The following ANKS1B variants were observed in gnomAD, a reference collection of about 807,000 sequenced individuals.
ANKS1B encodes the protein ankyrin repeat and sterile alpha motif domain containing 1B, also known as ankyrin repeat and sterile alpha motif domain-containing protein 1B.
ANKS1B carries 36 observed loss-of-function variants against 148.3 expected under a neutral mutation model. The observed-to-expected ratio is 0.24, with a 90% CI of 0.19 to 0.32. The LOEUF (loss-of-function observed/expected upper bound fraction) is 0.32. ANKS1B is among the 10% of genes least tolerant of loss of function. The pLI is 1.00. For missense variants in ANKS1B, 1,157 were observed against 1,542.6 expected, an observed-to-expected ratio of 0.75 and a Z score of 4.19; for synonymous variants, 542 against 560.8, an observed-to-expected ratio of 0.97 and a Z score of 0.47.
At chr12:99,166,724 T>C (rs2077220582) in intron 14 of ANKS1B, among the ~76,000 whole-genome samples, 1 of 151,982 alleles carries the variant, frequency 6.6e-6, no homozygotes, top group African/African-American at 2.4e-5. Context: ...CTAATCAAAA[T>C]CCCAGCAGGT....
intron 1 of ANKS1B, among the ~76,000 whole-genome samples, chr12:99,968,039 G>T (rs755446720): frequency 1.3e-5 from 2 of 152,096 alleles, no homozygotes; most frequent in Non-Finnish European, 2.9e-5. Flanking sequence ...GTTTGGGGTA[G>T]AAGAAGCCAA....
chr12:99,601,889 G>A (rs11109941), intron 9 of ANKS1B, among the ~76,000 whole-genome samples: 21,793 of 151,892 alleles, frequency 0.14, 1,824 homozygotes, highest in Middle Eastern at 0.2. Flanking sequence ...CTAGGTATAG[G>A]TCCGGACCCC....
intron 8 of ANKS1B, 139 bp from the exon 9 acceptor site, chr12:99,655,349 G>A (rs548693295): frequency 1.5e-6 from 1 of 679,054 alleles, no homozygotes; most frequent in East Asian, 2.8e-5. Context: ...ACATGGCTGT[G>A]CCCTGTGCCT....
intron 8 of ANKS1B, among the ~76,000 whole-genome samples, chr12:99,757,458 G>GA (rs954030792): frequency 2.0e-5 from 3 of 151,484 alleles, no homozygotes; most frequent in African/African-American, 4.8e-5. Flanking sequence ...CAAGGTTATG[G>GA]AAAAAAAAGC....
Position 98,745,067 on chromosome 12 carries a change from G to T in ANKS1B, c.*672C>A, listed in dbSNP as rs914724166. Reference sequence around the variant, plus strand: ...AAATATTTAATACAAGACACATTTTGCTGTGCATAATAAATTCCTCTGCTT... The same window carrying T: ...AAATATTTAATACAAGACACATTTTTCTGTGCATAATAAATTCCTCTGCTT... On this transcript the variant is annotated 3_prime_UTR_variant, in exon 27 of 27. Coordinates refer to ENST00000683438, the MANE Select transcript of ANKS1B (RefSeq NM_001352186.2). 1 of 985,370 alleles carries T rather than the reference G, an allele frequency of 1.0e-6. No individual in the cohort carries two copies. Among genetic ancestry groups the T allele is most frequent in the African/African-American group, 1.7e-5 (1 of 57,182 alleles). The allele number at this position is 985,370 out of a possible 1,614,324, so 61.0% of individuals were successfully genotyped here.
intron 17 of ANKS1B, among the ~76,000 whole-genome samples, chr12:98,944,293 T>A (rs1597357823): frequency 3.1e-5 from 2 of 65,324 alleles, no homozygotes; most frequent in Admixed American, 2.6e-4. Flanking sequence ...AGAGCGAAAC[T>A]CCACCTCACA....
chr12:99,461,700 T>A (rs924672502), intron 10 of ANKS1B, among the ~76,000 whole-genome samples: 10 of 152,186 alleles, frequency 6.6e-5, no homozygotes, highest in Non-Finnish European at 1.3e-4. Flanking sequence ...AAGCCTATCA[T>A]CATTTTGGGA....
chr12:99,561,262 ACTT>A (rs1477069395), intron 9 of ANKS1B, among the ~76,000 whole-genome samples: 2 of 152,152 alleles, frequency 1.3e-5, no homozygotes, highest in Non-Finnish European at 2.9e-5. Context: ...CCAGAGCAGA[ACTT>A]CTTTCAAAAT....
rs114398874 is a variant in ANKS1B at position 99,800,927 on chromosome 12, T to G, written c.669+5477A>C. The stretch of plus-strand genomic sequence containing the variant: ...GTAGGTATAGACAGAGATGAAAAGA[T>G]GTTTGAGTACTAAGCCCTGGGACAC... On this transcript the variant is annotated intron_variant, in intron 4 of 26. Coordinates refer to ENST00000683438, the MANE Select transcript of ANKS1B (RefSeq NM_001352186.2). Among the ~76,000 whole-genome samples, 1,488 of 152,148 alleles carry G rather than the reference T, an allele frequency of 9.8e-3. 26 individuals carry two copies. The highest frequency in any genetic ancestry group is 0.034 in the African/African-American group (1,406 of 41,514).
intron 1 of ANKS1B, among the ~76,000 whole-genome samples, chr12:99,930,289 GCTCT>G (rs1262416029): frequency 7.3e-5 from 11 of 151,666 alleles, no homozygotes; most frequent in African/African-American, 1.2e-4. Flanking sequence ...TCATGATTTG[GCTCT>G]CTGTTTGTCT....
intron 22 of ANKS1B, chr12:98,794,986 T>C (rs2098934749): frequency 9.9e-7 from 1 of 1,010,370 alleles, no homozygotes; most frequent in South Asian, 1.3e-5. Context: ...TCTGTAACCA[T>C]TTCTTTTATG....
intron 15 of ANKS1B, among the ~76,000 whole-genome samples, chr12:99,094,061 C>T (rs1416946288): frequency 6.6e-6 from 1 of 152,168 alleles, no homozygotes; most frequent in African/African-American, 2.4e-5. Flanking sequence ...ACCACTGAGG[C>T]AGGCATTGTC....
At chr12:99,643,600 A>T (rs1383112445) in intron 9 of ANKS1B, among the ~76,000 whole-genome samples, 2 of 152,158 alleles carry the variant, frequency 1.3e-5, no homozygotes, top group Admixed American at 1.3e-4. Context: ...CAAACTCAGT[A>T]GTTTCATAAG....
At chr12:98,971,076 T>G (rs1359777728) in intron 17 of ANKS1B, among the ~76,000 whole-genome samples, 1 of 152,216 alleles carries the variant, frequency 6.6e-6, no homozygotes. Flanking sequence ...TCAGGAGACT[T>G]GAGTTGAAAT....
chr12:99,593,420 T>TAAC (rs2097724132), intron 9 of ANKS1B, among the ~76,000 whole-genome samples: 2 of 152,204 alleles, frequency 1.3e-5, no homozygotes, highest in East Asian at 3.9e-4. Flanking sequence ...AGAAGCACAA[T>TAAC]AATATAATTT....
intron 17 of ANKS1B, among the ~76,000 whole-genome samples, chr12:99,017,494 T>G (rs1296363412): frequency 6.6e-6 from 1 of 152,090 alleles, no homozygotes; most frequent in Non-Finnish European, 1.5e-5. Flanking sequence ...TTGTATTTTG[T>G]GGGGGATGTT....
intron 14 of ANKS1B, among the ~76,000 whole-genome samples, chr12:99,192,003 G>A (rs1367890386): frequency 2.0e-5 from 3 of 151,700 alleles, no homozygotes; most frequent in African/African-American, 7.3e-5. Context: ...GTGGTGGCAG[G>A]CAACTGTAAC....
intron 4 of ANKS1B, among the ~76,000 whole-genome samples, chr12:99,799,254 G>A (rs2066637979): frequency 1.3e-5 from 2 of 151,966 alleles, no homozygotes; most frequent in African/African-American, 4.8e-5. Flanking sequence ...GAAACTCCCT[G>A]AATATTCTTT....
intron 18 of ANKS1B, 77 bp downstream of exon 18, chr12:98,831,952 A>T: frequency 7.4e-7 from 1 of 1,357,220 alleles, no homozygotes. Context: ...GGGTCTCACC[A>T]TGTTGGCCAG....
Sources: allele counts gnomAD v4.1 joint callset (sites outside exome capture counted in the v4.1 genomes callset), GRCh38; gene constraint gnomAD v4.1.1; transcripts MANE v1.5; gene names NCBI Gene and HGNC (gene_info 2026-07-23, HGNC 2026-07-21).